Variants in ANGPTL7 observed in about 807,000 individuals in gnomAD.
ANGPTL7 encodes the protein angiopoietin-related protein 7.
Under a neutral mutation model 38.8 loss-of-function variants are expected in ANGPTL7, and 37 were observed. The observed-to-expected ratio is 0.95, with a 90% CI of 0.73 to 1.25. The LOEUF (loss-of-function observed/expected upper bound fraction) is 1.25. ANGPTL7 is among the 50% of genes most tolerant of loss of function. The pLI, the probability that ANGPTL7 is intolerant of heterozygous loss-of-function variation, is 0.00. For synonymous variants in ANGPTL7, 166 were observed against 163.2 expected, an observed-to-expected ratio of 1.02 and a Z score of -0.13; for missense variants, 427 against 438.6, an observed-to-expected ratio of 0.97 and a Z score of 0.24.
In ANGPTL7 at chr1:11,194,647, C is replaced by T. The variant is rs916591081; in HGVS notation, c.859C>T (p.Gln287Ter). The change falls in exon 4 of 5, where the codon CAG (glutamine) becomes TAG (stop). Residue 287 changes from glutamine (Q) to a stop codon, truncating the protein, a stop_gained. Transcript: ENST00000376819. LOFTEE classifies it high-confidence loss of function. ...DNDNCLDKCA[Q>*]LRKGGYWYNC... ...TGACAACTGCTTGGACAAGTGTGCA[C>T]AGCTCCGCAAAGGTGAGATTTGGGG... 3.7e-6 allele frequency: 6 copies of T among 1,614,178 alleles called. No homozygotes were observed. Among genetic ancestry groups the T allele is most frequent in the Non-Finnish European group, 4.2e-6 (5 of 1,180,022 alleles).
intron 1 of ANGPTL7, among the ~76,000 whole-genome samples, chr1:11,191,855 A>T (rs1383606836): frequency 3.9e-5 from 6 of 152,222 alleles, no homozygotes; most frequent in Non-Finnish European, 8.8e-5. Context: ...CAACAAAACC[A>T]GACTCTATGA....
At chr1:11,191,731 G>A (rs1358165475) in intron 1 of ANGPTL7, among the ~76,000 whole-genome samples, 6 of 152,180 alleles carry the variant, frequency 3.9e-5, no homozygotes, top group African/African-American at 1.4e-4. Context: ...TGAGGTGCTA[G>A]CTGGATGGAA....
In ANGPTL7 at chr1:11,192,282, A is replaced by ACTG. The variant is rs1557825505; in HGVS notation, c.392_394dup (p.Cys131dup). ...TGTTCTCTTGTAGATGCCATCTACG[A>ACTG]CTGCTCTTCCCTCTACCAGAAGAAC... is the stretch of plus-strand genomic sequence containing the variant. On this transcript the variant is annotated inframe_insertion, in exon 2 of 5. Coordinates refer to ENST00000376819, the MANE Select transcript of ANGPTL7 (RefSeq NM_021146.4). 5.6e-6 allele frequency: 9 copies of ACTG among 1,613,470 alleles called. No individual in the cohort carries two copies. The highest frequency in any genetic ancestry group is 1.3e-5 in the African/African-American group (1 of 74,912).
Position 11,189,782 on chromosome 1 carries a change from A to G in ANGPTL7, c.203A>G (p.Lys68Arg), listed in dbSNP as rs746995672. ...NLSSLLSELN[K>R]KQERDWVSVV... ...AGCAGCCTGCTGAGTGAACTGAACA[A>G]GAAGCAGGAGAGGGACTGGGTCAGC... Residue 68 changes from lysine to arginine, a missense_variant, in exon 1 of 5, where the codon AAG becomes AGG. Lys to Arg is a conservative substitution (Grantham distance 26). Coordinates refer to ENST00000376819, the MANE Select transcript of ANGPTL7 (RefSeq NM_021146.4). The G allele has an allele frequency of 6.2e-7, 1 of 1,614,226 alleles. No individual in the cohort carries two copies. Among genetic ancestry groups the G allele is most frequent in the Non-Finnish European group, 8.5e-7 (1 of 1,180,026 alleles).
At chr1:11,192,865 C>T (rs533571812) in intron 2 of ANGPTL7, among the ~76,000 whole-genome samples, 2 of 152,122 alleles carry the variant, frequency 1.3e-5, no homozygotes, top group South Asian at 4.2e-4. Flanking sequence ...CTGTTTGGCC[C>T]CTTCAAATCA....
At chr1:11,191,657 C>G (rs1303751372) in intron 1 of ANGPTL7, among the ~76,000 whole-genome samples, 1 of 152,170 alleles carries the variant, frequency 6.6e-6, no homozygotes, top group African/African-American at 2.4e-5. Flanking sequence ...CAGTCTGATG[C>G]TCTCATTTCA....
chr1:11,189,999 T>C, intron 1 of ANGPTL7, 44 bp downstream of exon 1: 1 of 1,560,208 alleles, frequency 6.4e-7, no homozygotes, highest in Non-Finnish European at 8.7e-7. Flanking sequence ...TGCCTCCCCA[T>C]CTACAGCACT....
intron 3 of ANGPTL7, 28 bp downstream of exon 3, chr1:11,193,802 C>T (rs773513743): frequency 2.5e-6 from 4 of 1,612,210 alleles, no homozygotes; most frequent in Non-Finnish European, 3.4e-6. Context: ...GGCCCCATGA[C>T]TGGACCAGTG....
intron 2 of ANGPTL7, 60 bp from the exon 3 acceptor site, chr1:11,193,520 C>G: frequency 6.7e-7 from 1 of 1,482,874 alleles, no homozygotes; most frequent in Admixed American, 2.2e-5. Context: ...GGAAGCCTGC[C>G]CTCTTGCTCC....
rs953080355 is a variant in ANGPTL7, at chr1:11,194,507, T to A, written c.719T>A (p.Leu240Ter). The A allele has an allele frequency of 6.2e-7, 1 of 1,614,208 alleles. No homozygotes were observed. Among genetic ancestry groups the A allele is most frequent in the African/African-American group, 1.3e-5 (1 of 75,048 alleles). The change falls in exon 4 of 5, where the codon TTG becomes TAG. Residue 240 changes from leucine to a stop codon, truncating the protein, a stop_gained. Transcript: ENST00000376819. LOFTEE classifies it high-confidence loss of function. Reference protein sequence around the residue: ...LRYAEYSHFVLGNELNSYRLF... With the variant: ...LRYAEYSHFV Reference sequence around the variant, plus strand: ...TACGCTGAGTATAGCCACTTTGTTTTGGGCAATGAACTCAACAGCTATCGC... The same window carrying A: ...TACGCTGAGTATAGCCACTTTGTTTAGGGCAATGAACTCAACAGCTATCGC...
chr1:11,193,639 T>C lies in ANGPTL7; in HGVS notation c.537T>C (p.Ser179=). ...GGWTIIQRRK[S]GLVSFYRDWK... is the part of the protein sequence containing the mutation. Reference sequence around the variant, plus strand: ...GGACCATCATCCAGAGACGAAAAAGTGGCCTTGTCTCCTTCTACCGGGACT... The same window carrying C: ...GGACCATCATCCAGAGACGAAAAAGCGGCCTTGTCTCCTTCTACCGGGACT... Residue 179 remains serine (S), a synonymous_variant, in exon 3 of 5, where the codon AGT becomes AGC. Coordinates refer to ENST00000376819, the MANE Select transcript of ANGPTL7 (RefSeq NM_021146.4). 1 of 1,613,462 alleles carries C rather than the reference T, an allele frequency of 6.2e-7. No homozygotes were observed. Among genetic ancestry groups the C allele is most frequent in the Non-Finnish European group, 8.5e-7 (1 of 1,179,646 alleles).
chr1:11,189,588 A>C lies in ANGPTL7; in HGVS notation c.9A>C (p.Lys3Asn). The change falls in exon 1 of 5, where the codon AAA (lysine) becomes AAC (asparagine). Residue 3 changes from lysine (K) to asparagine (N), a missense_variant. Coordinates refer to ENST00000376819, the MANE Select transcript of ANGPTL7 (RefSeq NM_021146.4). MLKKPLSAVTWLC... is the reference protein window; with the variant it reads MLNKPLSAVTWLC... ...ACCCAAACCCACAAAAGATGCTGAAAAAGCCTCTCTCAGCTGTGACCTGGC... is the reference window on the plus strand; with the variant it reads ...ACCCAAACCCACAAAAGATGCTGAACAAGCCTCTCTCAGCTGTGACCTGGC... 1.2e-6 allele frequency: 2 copies of C among 1,601,220 alleles called. No individual in the cohort carries two copies. Among genetic ancestry groups the C allele is most frequent in the Non-Finnish European group, 8.5e-7 (1 of 1,173,988 alleles).
chr1:11,195,341 A>G lies in ANGPTL7; in HGVS notation c.*318A>G. ...CCACATGATTTGTCTGTGAAAGAAA[A>G]TAATTTTGAGATCGTTTTATCTATT... On this transcript the variant is annotated 3_prime_UTR_variant, in exon 5 of 5. Coordinates refer to ENST00000376819, the MANE Select transcript of ANGPTL7 (RefSeq NM_021146.4). 1 of 254,406 alleles carries G rather than the reference A, an allele frequency of 3.9e-6. No individual in the cohort carries two copies. The highest frequency in any genetic ancestry group is 9.9e-5 in the South Asian group (1 of 10,092). 15.8% of individuals were successfully genotyped at this position (254,406 alleles called of 1,614,324 possible).
chr1:11,189,716 G>A lies in ANGPTL7; in HGVS notation c.137G>A (p.Cys46Tyr), dbSNP rs1171779703. The change falls in exon 1 of 5, where the codon TGT becomes TAT. Residue 46 changes from cysteine to tyrosine, a missense_variant. Physicochemically the swap from Cys to Tyr is radical, Grantham distance 194. Coordinates refer to ENST00000376819, the MANE Select transcript of ANGPTL7 (RefSeq NM_021146.4). ...CCACAGCTCAAAGCGGCCAACTGCT[G>A]TGAGGAGGTGAAGGAGCTCAAGGCC... ...AQPQLKAANC[C>Y]EEVKELKAQV... The A allele has an allele frequency of 2.5e-6, 4 of 1,614,188 alleles. No individual in the cohort carries two copies. The highest frequency in any genetic ancestry group is 2.2e-5 in the South Asian group (2 of 91,086).
chr1:11,189,980 A>C, intron 1 of ANGPTL7, 25 bp downstream of exon 1: 1 of 1,578,640 alleles, frequency 6.3e-7, no homozygotes, highest in South Asian at 1.2e-5. Context: ...CCCCTGAGGG[A>C]GCGTGGAGTG....
At chr1:11,190,411 T>C (rs1645481039) in intron 1 of ANGPTL7, among the ~76,000 whole-genome samples, 1 of 152,234 alleles carries the variant, frequency 6.6e-6, no homozygotes, top group African/African-American at 2.4e-5. Flanking sequence ...TGAGCATTAA[T>C]GGAATTTTGT....
chr1:11,192,189 A>G, intron 1 of ANGPTL7, 81 bp from the exon 2 acceptor site: 2 of 1,044,356 alleles, frequency 1.9e-6, no homozygotes, highest in Non-Finnish European at 2.9e-6. Context: ...CAGGGTAGAA[A>G]TAAAGGCTCA....
intron 1 of ANGPTL7, among the ~76,000 whole-genome samples, chr1:11,190,977 C>T (rs1434086792): frequency 6.6e-6 from 1 of 152,182 alleles, no homozygotes; most frequent in Non-Finnish European, 1.5e-5. Context: ...ACTTTCTAAG[C>T]ATGGACTTCC....
At chr1:11,191,142 T>G (rs988975545) in intron 1 of ANGPTL7, among the ~76,000 whole-genome samples, 1 of 152,214 alleles carries the variant, frequency 6.6e-6, no homozygotes, top group Non-Finnish European at 1.5e-5. Context: ...ACAGGAGGCT[T>G]TCTCACCATC....
Sources: gnomAD v4.1 joint callset for allele counts (sites outside exome capture counted in the v4.1 genomes callset) on GRCh38, gnomAD v4.1.1 for gene constraint, MANE v1.5 for transcripts, NCBI Gene and HGNC (gene_info 2026-07-23, HGNC 2026-07-21) for gene names.